Variants in MSTN observed in about 807,000 individuals in gnomAD.
MSTN encodes the protein myostatin.
A neutral mutation model predicts 32.3 loss-of-function variants in MSTN; 12 were observed. The observed-to-expected ratio is 0.37, with a 90% confidence interval of 0.24 to 0.60. The LOEUF (loss-of-function observed/expected upper bound fraction) is 0.60. Ranked by LOEUF, MSTN falls within the 20% of genes least tolerant of loss-of-function variation. The probability of loss-of-function intolerance (pLI) is 0.67; values close to 1 mark genes in which losing one functional copy is unlikely to be tolerated. For synonymous variants in MSTN, 168 were observed against 155.1 expected, an observed-to-expected ratio of 1.08 and a Z score of -0.62; for missense variants, 403 against 450.3, an observed-to-expected ratio of 0.89 and a Z score of 0.95.
At position 190,062,358 on chromosome 2, in the gene MSTN, A is replaced by G; in HGVS notation, c.239T>C (p.Leu80Pro). The G allele has an allele frequency of 6.2e-7, 1 of 1,613,404 alleles. No homozygotes were observed. The highest frequency in any genetic ancestry group is 1.1e-5 in the South Asian group (1 of 91,070). ...PNISKDVIRQ[L>P]LPKAPPLREL... ...CCGGAGTGGAGGAGCTTTGGGTAAA[A>G]GTTGTCTTATAACATCTTTGCTGAT... The change falls in exon 1 of 3, where the codon CTT (leucine) becomes CCT (proline). Residue 80 changes from leucine to proline, a missense_variant. Transcript: ENST00000260950.
At chr2:190,060,913 C>T (rs1165463441) in intron 1 of MSTN, among the ~76,000 whole-genome samples, 1 of 151,914 alleles carries the variant, frequency 6.6e-6, no homozygotes, top group Non-Finnish European at 1.5e-5. Context: ...TACTGAGCCT[C>T]AGGAATTAGT....
intron 1 of MSTN, among the ~76,000 whole-genome samples, chr2:190,061,306 A>G (rs1383896471): frequency 6.6e-6 from 1 of 152,070 alleles, no homozygotes; most frequent in Non-Finnish European, 1.5e-5. Flanking sequence ...TTTTCTTGCC[A>G]TGCCTTCTCT....
At chr2:190,062,098 C>G in intron 1 of MSTN, 126 bp downstream of exon 1, 2 of 978,580 alleles carry the variant, frequency 2.0e-6, no homozygotes, top group South Asian at 1.6e-5. Context: ...AAGAGAAACT[C>G]TTTTCCTTTC....
At chr2:190,060,599 GA>G (rs1459629682) in intron 1 of MSTN, among the ~76,000 whole-genome samples, 164 bp from the exon 2 acceptor site, 1 of 151,892 alleles carries the variant, frequency 6.6e-6, no homozygotes, top group Non-Finnish European at 1.5e-5. Flanking sequence ...AAATGTCAAA[GA>G]AAATAATTAC....
chr2:190,060,884 C>A (rs902649241), intron 1 of MSTN, among the ~76,000 whole-genome samples: 3 of 151,854 alleles, frequency 2.0e-5, no homozygotes, highest in Non-Finnish European at 4.4e-5. Context: ...TACCTGGGGA[C>A]AAGACACACT....
Position 190,056,438 on chromosome 2 carries a change from A to G in MSTN, c.*820T>C, listed in dbSNP as rs1685432491. On this transcript the variant is annotated 3_prime_UTR_variant, in exon 3 of 3. Transcript: ENST00000260950. Reference sequence around the variant, plus strand: ...CAAAGACAAAATTACATACTTCTCCAAGTATGTTATTTTGACATTTTGATA... The same window carrying G: ...CAAAGACAAAATTACATACTTCTCCGAGTATGTTATTTTGACATTTTGATA... The G allele has an allele frequency of 6.6e-6, 1 of 152,562 alleles. No individual in the cohort carries two copies. The highest frequency in any genetic ancestry group is 2.4e-5 in the African/African-American group (1 of 41,446). 9.5% of individuals were successfully genotyped at this position (152,562 alleles called of 1,614,324 possible).
At chr2:190,061,546 C>T (rs1033853041) in intron 1 of MSTN, among the ~76,000 whole-genome samples, 5 of 151,978 alleles carry the variant, frequency 3.3e-5, no homozygotes, top group Admixed American at 6.6e-5. Flanking sequence ...ACAAGGAGGA[C>T]TTTGTGAGCC....
intron 1 of MSTN, among the ~76,000 whole-genome samples, 194 bp downstream of exon 1, chr2:190,062,030 A>G (rs1163315655): frequency 6.6e-6 from 1 of 152,048 alleles, no homozygotes; most frequent in Non-Finnish European, 1.5e-5. Context: ...TCTCTATAAG[A>G]AAACAAATAA....
In MSTN at chr2:190,062,470, T is replaced by C. The variant is rs1685624868; in HGVS notation, c.127A>G (p.Thr43Ala). ...VEKEGLCNAC[T>A]WRQNTKSSRI... ...GAAGATTTAGTGTTTTGTCTCCAAG[T>C]ACATGCATTACACAGCCCCTCTTTT... The change falls in exon 1 of 3, where the codon ACT becomes GCT. Residue 43 changes from threonine (T) to alanine (A), a missense_variant. Physicochemically the swap from Thr to Ala is moderately conservative, Grantham distance 58. Coordinates refer to ENST00000260950, the MANE Select transcript of MSTN (RefSeq NM_005259.3). 6.8e-6 allele frequency: 11 copies of C among 1,613,628 alleles called. No homozygotes were observed. The highest frequency in any genetic ancestry group is 8.5e-6 in the Non-Finnish European group (10 of 1,179,654).
In MSTN at chr2:190,062,205, C is replaced by T. The variant is rs1481262131; in HGVS notation, c.373+19G>A. The T allele has an allele frequency of 1.4e-5, 23 of 1,611,978 alleles. No homozygotes were observed. Among genetic ancestry groups the T allele is most frequent in the Non-Finnish European group, 2.0e-5 (23 of 1,178,550 alleles). On this transcript the variant is annotated intron_variant, in intron 1 of 2. Transcript: ENST00000260950. ...AACAGTCAGCAGAACTGTTGATATA[C>T]ACTAATAGGACTACTTACACTCTGT...
intron 2 of MSTN, among the ~76,000 whole-genome samples, chr2:190,058,932 C>G (rs1470657770): frequency 9.9e-5 from 15 of 151,726 alleles, no homozygotes; most frequent in Non-Finnish European, 8.8e-5. Context: ...CACCACTGTA[C>G]AATTCATCTA....
chr2:190,062,155 A>G (rs931242648), intron 1 of MSTN, 69 bp downstream of exon 1: 116 of 1,557,482 alleles, frequency 7.4e-5, no homozygotes, highest in Admixed American at 5.2e-4. Context: ...CTGAAAATAG[A>G]TCTGTTTCTC....
chr2:190,057,852 A>G (rs1043495665), intron 2 of MSTN, among the ~76,000 whole-genome samples: 1 of 152,076 alleles, frequency 6.6e-6, no homozygotes, highest in Non-Finnish European at 1.5e-5. Context: ...AAATTCCCCT[A>G]AGGTCAGTAC....
intron 2 of MSTN, 128 bp from the exon 3 acceptor site, chr2:190,057,766 G>T: frequency 3.2e-6 from 3 of 950,908 alleles, no homozygotes; most frequent in Admixed American, 2.1e-5. Flanking sequence ...TTTTTAAAAG[G>T]CACAGCATTA....
intron 1 of MSTN, among the ~76,000 whole-genome samples, chr2:190,061,277 A>G (rs982525731): frequency 3.9e-5 from 6 of 152,088 alleles, no homozygotes; most frequent in Admixed American, 2.6e-4. Context: ...TTAAAGCAAG[A>G]TAACAGGTAA....
rs749802472 is a variant in MSTN at position 190,060,175 on chromosome 2, A to T, written c.634T>A (p.Leu212Met). 2 of 1,613,112 alleles carry T rather than the reference A, an allele frequency of 1.2e-6. No individual in the cohort carries two copies. Among genetic ancestry groups the T allele is most frequent in the South Asian group, 2.2e-5 (2 of 91,044 alleles). ...TCAGGTTGTTTGAGCCAATTTTGCA[A>T]CACTGTCTTCACATCAATGCTCTGC... ...IWQSIDVKTVLQNWLKQPESN... is the reference protein window; with the variant it reads ...IWQSIDVKTVMQNWLKQPESN... Residue 212 changes from leucine to methionine, a missense_variant, in exon 2 of 3, where the codon TTG becomes ATG. By Grantham distance (15) the Leu-to-Met change is conservative. Transcript: ENST00000260950.
Position 190,057,433 on chromosome 2 carries a change from A to T in MSTN, c.953T>A (p.Leu318Ter), listed in dbSNP as rs780064368. The T allele has an allele frequency of 6.2e-7, 1 of 1,613,522 alleles. No individual in the cohort carries two copies. The highest frequency in any genetic ancestry group is 1.7e-5 in the Admixed American group (1 of 59,952). ...YCSGECEFVF[L>*]QKYPHTHLVH... ...CAGATGAGTATGAGGATATTTTTGT[A>T]AAAATACAAATTCACACTCTCCAGA... The change falls in exon 3 of 3, where the codon TTA (leucine) becomes TAA (stop). Residue 318 changes from leucine (L) to a stop codon, truncating the protein, a stop_gained. Transcript: ENST00000260950. LOFTEE classifies it high-confidence loss of function.
Position 190,062,632 on chromosome 2 carries a change from T to A in MSTN, c.-36A>T. ...TCAATATAATCTTTTTTCTTGTTCT[T>A]GTTTCTTCCTTTTACTTTTCTTTTG... is the stretch of plus-strand genomic sequence containing the variant. On this transcript the variant is annotated 5_prime_UTR_variant, in exon 1 of 3. Coordinates refer to ENST00000260950, the MANE Select transcript of MSTN (RefSeq NM_005259.3). 1 of 1,597,472 alleles carries A rather than the reference T, an allele frequency of 6.3e-7. No homozygotes were observed. The highest frequency in any genetic ancestry group is 8.5e-7 in the Non-Finnish European group (1 of 1,171,202).
intron 2 of MSTN, among the ~76,000 whole-genome samples, chr2:190,058,802 A>G (rs1037663972): frequency 3.9e-5 from 6 of 151,974 alleles, no homozygotes; most frequent in Admixed American, 2.6e-4. Flanking sequence ...TGCGTACGCA[A>G]AGACATACAG....
Sources: gnomAD v4.1 joint callset for allele counts (sites outside exome capture counted in the v4.1 genomes callset) on GRCh38, gnomAD v4.1.1 for gene constraint, MANE v1.5 for transcripts, NCBI Gene and HGNC (gene_info 2026-07-23, HGNC 2026-07-21) for gene names.